GALM: variants seen among roughly 807,000 people sequenced by gnomAD.
GALM encodes the protein aldose 1-epimerase.
A neutral mutation model predicts 37.4 loss-of-function variants in GALM; 43 were observed. The ratio of observed to expected loss-of-function variants is 1.15; its 90% CI spans 0.90 to 1.48. GALM has a LOEUF of 1.48. Among genes scored for constraint, GALM ranks in the 40% most tolerant of loss-of-function variants. GALM has a pLI of 0.00. For synonymous variants in GALM, 199 were observed against 170.6 expected (o/e 1.17, Z -1.30); for missense variants, 456 against 419.1 (o/e 1.09, Z -0.77).
chr2:38,684,071 G>C (rs903712649), intron 3 of GALM, among the ~76,000 whole-genome samples: 6 of 152,132 alleles, frequency 3.9e-5, no homozygotes, highest in African/African-American at 1.4e-4. Context: ...ACCTTGAGAA[G>C]CATTATCATA....
intron 4 of GALM, among the ~76,000 whole-genome samples, chr2:38,698,638 G>A (rs569469155): frequency 1.1e-4 from 16 of 152,284 alleles, no homozygotes; most frequent in Non-Finnish European, 2.1e-4. Context: ...TTGTTGTCAG[G>A]GCTGTCCCTG....
chr2:38,704,841 C>T (rs1016295255), intron 4 of GALM, among the ~76,000 whole-genome samples: 8 of 152,088 alleles, frequency 5.3e-5, no homozygotes, highest in Non-Finnish European at 7.4e-5. Flanking sequence ...ACTCCAAGGA[C>T]CTCTCTTGGT....
intron 3 of GALM, among the ~76,000 whole-genome samples, chr2:38,683,717 C>T (rs563198872): frequency 3.9e-5 from 6 of 152,220 alleles, no homozygotes; most frequent in South Asian, 4.2e-4. Context: ...CAGGCGCCCA[C>T]GACCACGCCC....
chr2:38,668,495 A>G (rs1260189513), intron 1 of GALM: 1 of 152,200 alleles, frequency 6.6e-6, no homozygotes, highest in Non-Finnish European at 1.5e-5. Context: ...GTTAACAATA[A>G]ACTGGTAACA....
chr2:38,669,472 C>G (rs531399999), intron 1 of GALM: 30 of 152,248 alleles, frequency 2.0e-4, no homozygotes, highest in Non-Finnish European at 3.2e-4. Context: ...GCTTTTGAGA[C>G]GCAAGTCTGC....
At chr2:38,701,511 C>T (rs952726140) in intron 4 of GALM, among the ~76,000 whole-genome samples, 14 of 152,126 alleles carry the variant, frequency 9.2e-5, no homozygotes, top group Non-Finnish European at 1.6e-4. Context: ...TCCCCCAGCC[C>T]ATCTGTGTTC....
At chr2:38,700,849 T>C (rs1231165265) in intron 4 of GALM, among the ~76,000 whole-genome samples, 1 of 152,216 alleles carries the variant, frequency 6.6e-6, no homozygotes, top group Non-Finnish European at 1.5e-5. Flanking sequence ...TTTTCTGTAG[T>C]GGTAAAATTT....
At chr2:38,676,366 T>C (rs535794571) in intron 2 of GALM, among the ~76,000 whole-genome samples, 34 of 152,314 alleles carry the variant, frequency 2.2e-4, no homozygotes, top group African/African-American at 8.2e-4. Flanking sequence ...GAGATGTGGA[T>C]TGATAACAGT....
rs200153954 is a variant in GALM, at chr2:38,686,227, T to TCCTTCCTTCCTTCCTTC, written c.553-3585_553-3584insCTTCCTTCCTTCCTTCC. ...AAACCACAGAAAGTGGAAATTTCTT[T>TCCTTCCTTCCTTCCTTC]CTTTCTTTCTTTCTTTCTTTCTTTC... On this transcript the variant is annotated intron_variant, in intron 3 of 6. Transcript: ENST00000272252. Among the ~76,000 whole-genome samples the TCCTTCCTTCCTTCCTTC allele has an allele frequency of 4.0e-3, 66 of 16,334 alleles. 6 individuals carry two copies. The highest frequency in any genetic ancestry group is 0.024 in the East Asian group (9 of 370). The allele number at this position is 16,334 out of a possible 152,430, so 10.7% of individuals were successfully genotyped here. A position where few individuals can be genotyped will look rare whatever the true frequency, so the allele number is the denominator to read the frequency against.
chr2:38,670,872 A>G (rs558405757), intron 1 of GALM, among the ~76,000 whole-genome samples: 39 of 152,348 alleles, frequency 2.6e-4, no homozygotes, highest in African/African-American at 9.1e-4. Context: ...TGTTTTCTTC[A>G]TATAACCAAA....
At chr2:38,681,093 G>A (rs764493917) in intron 2 of GALM, among the ~76,000 whole-genome samples, 187 bp from the exon 3 acceptor site, 11 of 151,182 alleles carry the variant, frequency 7.3e-5, no homozygotes, top group Non-Finnish European at 1.5e-4. Flanking sequence ...CTGTATCACT[G>A]CACTGCAGCC....
At chr2:38,690,823 C>G (rs1464258821) in intron 4 of GALM, among the ~76,000 whole-genome samples, 4 of 152,214 alleles carry the variant, frequency 2.6e-5, no homozygotes, top group African/African-American at 9.6e-5. Context: ...GCATACCCAA[C>G]AGCAACTTCA....
chr2:38,699,970 TGA>T (rs1456408877), intron 4 of GALM, among the ~76,000 whole-genome samples: 1 of 152,124 alleles, frequency 6.6e-6, no homozygotes, highest in South Asian at 2.1e-4. Flanking sequence ...TTTGTTTTTT[TGA>T]GAGAGTCTCA....
At chr2:38,728,901 C>G (rs868717378) in intron 4 of GALM, among the ~76,000 whole-genome samples, 22 of 152,328 alleles carry the variant, frequency 1.4e-4, no homozygotes, top group African/African-American at 5.0e-4. Context: ...AAGTGGACCT[C>G]TGCCATCATC....
intron 4 of GALM, among the ~76,000 whole-genome samples, chr2:38,691,955 C>T (rs1665686234): frequency 6.6e-6 from 1 of 152,080 alleles, no homozygotes; most frequent in Admixed American, 6.6e-5. Flanking sequence ...TTCTGGGGAC[C>T]AGTGAAAATG....
intron 4 of GALM, among the ~76,000 whole-genome samples, chr2:38,708,805 G>A (rs2148447337): frequency 1.3e-5 from 2 of 152,058 alleles, no homozygotes; most frequent in East Asian, 1.9e-4. Flanking sequence ...AGGCAGGGAA[G>A]TGGGGTCAAA....
chr2:38,719,468 CA>C (rs35387905), intron 4 of GALM, among the ~76,000 whole-genome samples: 117,970 of 140,612 alleles, frequency 0.84, 49,561 homozygotes, highest in East Asian at 0.98. Context: ...GACTTTGTCT[CA>C]AAAAAAAAAA....
At chr2:38,675,544 TGTGTGTGTGTGTGTGTGTG>T (rs1194718947) in intron 1 of GALM, among the ~76,000 whole-genome samples, 549 of 54,686 alleles carry the variant, frequency 0.01, 37 homozygotes, top group African/African-American at 0.042. Context: ...TTTTTTTTTT[TGTGTGTGTGTGTGTGTGTG>T]TGTGTGTGTG....
intron 4 of GALM, among the ~76,000 whole-genome samples, chr2:38,701,165 T>G (rs1488161367): frequency 6.6e-6 from 1 of 152,198 alleles, no homozygotes; most frequent in African/African-American, 2.4e-5. Context: ...AATCCTTCTA[T>G]TTTGCCAGGG....
Sources: gnomAD v4.1 joint callset for allele counts (sites outside exome capture counted in the v4.1 genomes callset) on GRCh38, gnomAD v4.1.1 for gene constraint, MANE v1.5 for transcripts, NCBI Gene and HGNC (gene_info 2026-07-23, HGNC 2026-07-21) for gene names.